The following DNM3 variants were observed in gnomAD, a reference collection of about 807,000 sequenced individuals.
DNM3 encodes dynamin-3.
In DNM3, 47 loss-of-function variants were observed where a neutral mutation model predicts 101.6. The observed-to-expected ratio is 0.46, with a 90% CI of 0.37 to 0.59. DNM3 has a LOEUF of 0.59. Ranked by LOEUF, DNM3 falls within the 20% of genes least tolerant of loss-of-function variation. DNM3 has a pLI of 0.00. For synonymous variants in DNM3, 385 were observed against 387.9 expected (o/e 0.99, Z 0.09); for missense variants, 849 against 1,085.7 (o/e 0.78, Z 3.06).
Position 172,409,343 on chromosome 1 carries a change from A to T in DNM3, c.*1502A>T, listed in dbSNP as rs749156500. 2.6e-5 allele frequency: 26 copies of T among 985,122 alleles called. No homozygotes were observed. Among genetic ancestry groups the T allele is most frequent in the Non-Finnish European group, 3.0e-5 (25 of 829,746 alleles). The allele number at this position is 985,122 out of a possible 1,614,324, so 61.0% of individuals were successfully genotyped here. A position where few individuals can be genotyped will look rare whatever the true frequency, so the allele number is the denominator to read the frequency against. Reference sequence around the variant, plus strand: ...TTAACTTTAATTTCCTGTGTAGTTTACACCCAGAGCAGATACTCATAAAGT... The same window carrying T: ...TTAACTTTAATTTCCTGTGTAGTTTTCACCCAGAGCAGATACTCATAAAGT... On this transcript the variant is annotated 3_prime_UTR_variant, in exon 21 of 21. Coordinates refer to ENST00000627582, the MANE Select transcript of DNM3 (RefSeq NM_015569.5).
At chr1:172,296,030 C>CAAAAGTATTA (rs57967331) in intron 15 of DNM3, among the ~76,000 whole-genome samples, 42,438 of 151,914 alleles carry the variant, frequency 0.28, 5,993 homozygotes, top group East Asian at 0.31. Flanking sequence ...CCTTAGCAAG[C>CAAAAGTATTA]AACCATTGAT....
intron 1 of DNM3, among the ~76,000 whole-genome samples, chr1:171,878,901 G>T (rs2036017215): frequency 6.6e-6 from 1 of 151,914 alleles, no homozygotes; most frequent in South Asian, 2.1e-4. Context: ...GGGAATGAAT[G>T]ATCCATCTGA....
chr1:171,956,300 G>A (rs1406743905), intron 2 of DNM3, among the ~76,000 whole-genome samples: 1 of 152,148 alleles, frequency 6.6e-6, no homozygotes, highest in African/African-American at 2.4e-5. Flanking sequence ...ATACAATGGG[G>A]GTACCCACTG....
At chr1:171,899,505 A>G (rs1293201258) in intron 1 of DNM3, among the ~76,000 whole-genome samples, 15 of 152,186 alleles carry the variant, frequency 9.9e-5, no homozygotes, top group Non-Finnish European at 1.5e-5. Context: ...ATAGTTAATC[A>G]CCACGGGAGA....
chr1:171,921,576 CT>C (rs956406814), intron 1 of DNM3, among the ~76,000 whole-genome samples, 171 bp from the exon 2 acceptor site: 11 of 151,854 alleles, frequency 7.2e-5, no homozygotes, highest in Admixed American at 7.2e-4. Flanking sequence ...CCTCCTCCTC[CT>C]TTTTTTTAAA....
At chr1:171,874,334 T>G (rs1433649238) in intron 1 of DNM3, among the ~76,000 whole-genome samples, 1 of 152,196 alleles carries the variant, frequency 6.6e-6, no homozygotes, top group Non-Finnish European at 1.5e-5. Flanking sequence ...TCTTAATTAT[T>G]TCAAAGAATT....
At chr1:172,248,013 T>A (rs761304485) in intron 14 of DNM3, among the ~76,000 whole-genome samples, 6 of 152,122 alleles carry the variant, frequency 3.9e-5, no homozygotes, top group Non-Finnish European at 8.8e-5. Context: ...TAATATAATC[T>A]CTTTTAAGTT....
intron 2 of DNM3, among the ~76,000 whole-genome samples, chr1:171,976,257 A>C (rs145321623): frequency 3.5e-3 from 537 of 152,374 alleles, no homozygotes; most frequent in Non-Finnish European, 5.9e-3. Flanking sequence ...AACAACTTTC[A>C]GGAATTTGTC....
chr1:172,178,317 T>C (rs973700014), intron 14 of DNM3, among the ~76,000 whole-genome samples: 1 of 151,936 alleles, frequency 6.6e-6, no homozygotes, highest in Non-Finnish European at 1.5e-5. Context: ...TGTTAAAAAA[T>C]AAACTTAAAT....
chr1:172,131,360 C>T (rs1236783850), intron 14 of DNM3, 72 bp downstream of exon 14: 5 of 1,349,632 alleles, frequency 3.7e-6, no homozygotes, highest in South Asian at 2.6e-5. Context: ...TATTATTATA[C>T]TATGCAATTT....
intron 14 of DNM3, among the ~76,000 whole-genome samples, chr1:172,152,614 A>G (rs1030838685): frequency 6.6e-6 from 1 of 152,108 alleles, no homozygotes; most frequent in African/African-American, 2.4e-5. Context: ...ACAAATTTAG[A>G]TGAATGCCAC....
At chr1:172,128,786 AT>A (rs1051620451) in intron 13 of DNM3, among the ~76,000 whole-genome samples, 31 of 152,206 alleles carry the variant, frequency 2.0e-4, no homozygotes, top group African/African-American at 7.5e-4. Context: ...TCCCACTCTC[AT>A]TCACTCATAA....
At chr1:172,112,352 A>G (rs1197694165) in intron 13 of DNM3, among the ~76,000 whole-genome samples, 1 of 152,208 alleles carries the variant, frequency 6.6e-6, no homozygotes, top group Non-Finnish European at 1.5e-5. Flanking sequence ...GCTAGGATTT[A>G]AACTCATGAA....
rs116032370 is a variant in DNM3, at chr1:171,985,689, G to A, written c.236-1967G>A. ...GTCAGGAAAGACAGAAATTAAATCC[G>A]TCTCTGATTCTCATTCTAACATCCA... On this transcript the variant is annotated intron_variant, in intron 2 of 20. Transcript: ENST00000627582. Among the ~76,000 whole-genome samples the A allele has an allele frequency of 6.2e-3, 940 of 152,298 alleles. 9 individuals carry two copies. The highest frequency in any genetic ancestry group is 9.6e-3 in the Non-Finnish European group (652 of 68,006).
chr1:172,001,859 T>A (rs2046375841), intron 4 of DNM3, among the ~76,000 whole-genome samples: 1 of 152,072 alleles, frequency 6.6e-6, no homozygotes, highest in East Asian at 1.9e-4. Flanking sequence ...ATCTGGAAAA[T>A]GTTAAAAATC....
chr1:171,924,656 T>C (rs1469602943), intron 2 of DNM3, among the ~76,000 whole-genome samples: 6 of 152,150 alleles, frequency 3.9e-5, no homozygotes, highest in African/African-American at 1.4e-4. Context: ...CTCCACCTGG[T>C]CTCTCCCTTG....
intron 20 of DNM3, 121 bp from the exon 21 acceptor site, chr1:172,407,651 C>T: frequency 1.1e-6 from 1 of 913,782 alleles, no homozygotes; most frequent in Non-Finnish European, 1.8e-6. Flanking sequence ...AGATCATAAC[C>T]ACTTCTGCTG....
At chr1:172,056,743 A>G (rs967244414) in intron 10 of DNM3, among the ~76,000 whole-genome samples, 1 of 152,230 alleles carries the variant, frequency 6.6e-6, no homozygotes, top group East Asian at 1.9e-4. Flanking sequence ...AAGATGGGGA[A>G]AAAACAGAAC....
chr1:172,185,890 A>G (rs1463858012), intron 14 of DNM3, among the ~76,000 whole-genome samples: 1 of 152,106 alleles, frequency 6.6e-6, no homozygotes, highest in Non-Finnish European at 1.5e-5. Flanking sequence ...TTTTTGTCTG[A>G]CGAATTTGGC....
Sources: gnomAD v4.1 joint callset for allele counts (sites outside exome capture counted in the v4.1 genomes callset) on GRCh38, gnomAD v4.1.1 for gene constraint, MANE v1.5 for transcripts, NCBI Gene and HGNC (gene_info 2026-07-23, HGNC 2026-07-21) for gene names.